The following MCM3 variants were observed in gnomAD, a reference collection of about 807,000 sequenced individuals.
The protein encoded by MCM3 is minichromosome maintenance complex component 3.
In MCM3, 59 loss-of-function variants were observed where a neutral mutation model predicts 91.3. The observed-to-expected ratio is 0.65, with a 90% CI of 0.52 to 0.80. MCM3 has a LOEUF of 0.80. Among genes scored for constraint, MCM3 ranks in the 30% least tolerant of loss-of-function variants. The probability of loss-of-function intolerance (pLI) is 0.00; values close to 1 mark genes in which losing one functional copy is unlikely to be tolerated. For synonymous variants in MCM3, 383 were observed against 379.6 expected, an observed-to-expected ratio of 1.01 and a Z score of -0.10; for missense variants, 919 against 1,035.4, an observed-to-expected ratio of 0.89 and a Z score of 1.54.
chr6:52,266,717 AAGAG>A (rs758046081), intron 14 of MCM3, 21 bp from the exon 15 acceptor site: 22 of 1,589,264 alleles, frequency 1.4e-5, no homozygotes, highest in South Asian at 9.9e-5. Flanking sequence ...CACAGCAGTT[AAGAG>A]AGAGAAAGAG....
At chr6:52,277,281 C>A in intron 7 of MCM3, 83 bp from the exon 8 acceptor site, 1 of 1,463,450 alleles carries the variant, frequency 6.8e-7, no homozygotes, top group Non-Finnish European at 9.4e-7. Flanking sequence ...CAGCTCTTGA[C>A]ACAACAGAGT....
chr6:52,270,127 C>T (rs2128277068), intron 12 of MCM3, among the ~76,000 whole-genome samples: 2 of 152,186 alleles, frequency 1.3e-5, no homozygotes. Flanking sequence ...AGCTTGAGAC[C>T]ACCCTGACCA....
intron 16 of MCM3, 123 bp downstream of exon 16, chr6:52,265,952 G>A: frequency 1.5e-6 from 1 of 676,626 alleles, no homozygotes; most frequent in Non-Finnish European, 2.5e-6. Context: ...AAAGCTGCAG[G>A]CCTCTAGTTT....
At chr6:52,267,660 T>G (rs1412206597) in intron 14 of MCM3, among the ~76,000 whole-genome samples, 15 of 151,896 alleles carry the variant, frequency 9.9e-5, no homozygotes. Flanking sequence ...ACCGAGCAGC[T>G]GGGACCACAA....
chr6:52,280,586 T>C (rs1417952565), intron 4 of MCM3, among the ~76,000 whole-genome samples: 1 of 152,260 alleles, frequency 6.6e-6, no homozygotes, highest in African/African-American at 2.4e-5. Context: ...GCCCACGCTC[T>C]TAAGCATCAC....
At chr6:52,283,902 A>G (rs1385098858) in intron 1 of MCM3, among the ~76,000 whole-genome samples, 2 of 152,192 alleles carry the variant, frequency 1.3e-5, no homozygotes, top group Admixed American at 1.3e-4. Flanking sequence ...GACTCTTAAT[A>G]GTCACATTAA....
chr6:52,279,445 G>T lies in MCM3; in HGVS notation c.686C>A (p.Ala229Glu). ...VILDDDLVDK[A>E]KPGDRVQVVG... ...CACCTGAACCCGGTCACCAGGCTTC[G>T]CTTTATCCACCAAGTCATCATCCAG... is the stretch of plus-strand genomic sequence containing the variant. Residue 229 changes from alanine to glutamate, a missense_variant, in exon 5 of 17, where the codon GCG (alanine) becomes GAG (glutamate). Coordinates refer to ENST00000596288, the MANE Select transcript of MCM3 (RefSeq NM_002388.6). The T allele has an allele frequency of 1.9e-6, 3 of 1,614,096 alleles. No individual in the cohort carries two copies. The highest frequency in any genetic ancestry group is 2.5e-6 in the Non-Finnish European group (3 of 1,180,016).
chr6:52,281,405 G>A (rs760083735), intron 4 of MCM3, among the ~76,000 whole-genome samples: 7 of 152,142 alleles, frequency 4.6e-5, no homozygotes, highest in Non-Finnish European at 1.0e-4. Flanking sequence ...GCTGGGCATG[G>A]TGGTTCATGT....
At chr6:52,282,247 C>A (rs1581749436) in intron 3 of MCM3, 72 bp from the exon 4 acceptor site, 4 of 1,409,676 alleles carry the variant, frequency 2.8e-6, no homozygotes. Context: ...CAAACATATG[C>A]AAGCCTATAA....
In MCM3 at chr6:52,269,177, G is replaced by A; in HGVS notation, c.1877C>T (p.Thr626Ile). 1 of 1,613,850 alleles carries A rather than the reference G, an allele frequency of 6.2e-7. No homozygotes were observed. The highest frequency in any genetic ancestry group is 1.3e-5 in the African/African-American group (1 of 75,052). ...RTLETLIRLA[T>I]AHAKARMSKT... The stretch of plus-strand genomic sequence containing the variant: ...GCTCATGCGGGCCTTCGCATGGGCT[G>A]TGGCCAGTCGAATCAGAGTTTCCAG... Residue 626 changes from threonine to isoleucine, a missense_variant, in exon 13 of 17, where the codon ACA (threonine) becomes ATA (isoleucine). Thr to Ile is a moderately conservative substitution (Grantham distance 89). Coordinates refer to ENST00000596288, the MANE Select transcript of MCM3 (RefSeq NM_002388.6).
intron 13 of MCM3, among the ~76,000 whole-genome samples, chr6:52,268,570 T>C (rs1764829263): frequency 6.6e-6 from 1 of 152,074 alleles, no homozygotes; most frequent in African/African-American, 2.4e-5. Flanking sequence ...GAGTCTAGGC[T>C]TTGAGGCTTG....
rs966921796 is a variant in MCM3, at chr6:52,266,064, T to C, written c.2228+11A>G. 1.2e-6 allele frequency: 2 copies of C among 1,613,042 alleles called. No individual in the cohort carries two copies. The highest frequency in any genetic ancestry group is 1.7e-6 in the Non-Finnish European group (2 of 1,179,124). On this transcript the variant is annotated intron_variant, in intron 16 of 16. Transcript: ENST00000596288. ...AATTCTTGAAGGGGCAGGAGCAACA[T>C]CCGTACTCACCTGGATTCACTCAAC...
chr6:52,268,954 T>C, intron 13 of MCM3, 132 bp downstream of exon 13: 1 of 936,636 alleles, frequency 1.1e-6, no homozygotes, highest in Non-Finnish European at 1.6e-6. Context: ...TGAGGCAGAC[T>C]GATGACTGGA....
chr6:52,271,929 G>T (rs967566317), intron 12 of MCM3, among the ~76,000 whole-genome samples: 4 of 151,806 alleles, frequency 2.6e-5, no homozygotes, highest in Admixed American at 1.3e-4. Context: ...AATATGTACG[G>T]AAGTCTTTCT....
intron 12 of MCM3, among the ~76,000 whole-genome samples, chr6:52,270,836 A>G (rs1247919367): frequency 6.6e-6 from 1 of 152,220 alleles, no homozygotes; most frequent in Non-Finnish European, 1.5e-5. Flanking sequence ...TAACACCCAC[A>G]GGTAAAAGTT....
Position 52,283,802 on chromosome 6 carries a change from G to A in MCM3, c.79-396C>T, listed in dbSNP as rs1766378873. Reference sequence around the variant, plus strand: ...GTTAAAGGTAACAACGTGAATAGATGGATATGTTGTTTCACTGTAGTAATC... The same window carrying A: ...GTTAAAGGTAACAACGTGAATAGATAGATATGTTGTTTCACTGTAGTAATC... On this transcript the variant is annotated intron_variant, in intron 1 of 16. Transcript: ENST00000596288. Among the ~76,000 whole-genome samples, 3 of 152,152 alleles carry A rather than the reference G, an allele frequency of 2.0e-5. 1 individual carries two copies. The highest frequency in any genetic ancestry group is 2.4e-5 in the African/African-American group (1 of 41,426).
At chr6:52,268,550 T>A (rs1480638563) in intron 13 of MCM3, among the ~76,000 whole-genome samples, 1 of 152,030 alleles carries the variant, frequency 6.6e-6, no homozygotes, top group Non-Finnish European at 1.5e-5. Flanking sequence ...AGTGGGCAAC[T>A]AGGAAAAGGG....
intron 6 of MCM3, among the ~76,000 whole-genome samples, chr6:52,278,070 C>CAAAAAAAAAAAAAAAAAAAAAAAAA (rs61625257): frequency 2.6e-5 from 1 of 38,962 alleles, no homozygotes; most frequent in African/African-American, 1.2e-4. Flanking sequence ...TCCGTCTCAC[C>CAAAAAAAAAAAAAAAAAAAAAAAAA]AAAAAAAAAA....
Position 52,282,889 on chromosome 6 carries a change from T to C in MCM3, c.192-28A>G, listed in dbSNP as rs779098429. 6.3e-6 allele frequency: 10 copies of C among 1,576,986 alleles called. No individual in the cohort carries two copies. The East Asian group carries it at 1.3e-4, about 21-fold the overall frequency. On this transcript the variant is annotated intron_variant, in intron 2 of 16. Coordinates refer to ENST00000596288, the MANE Select transcript of MCM3 (RefSeq NM_002388.6). ...GTACATAAGCAAGAGAAAGAAAAAT[T>C]AGACTGGGCAGAACTCAAAAAAATG... is the stretch of plus-strand genomic sequence containing the variant.
Sources: allele counts gnomAD v4.1 joint callset (sites outside exome capture counted in the v4.1 genomes callset), GRCh38; gene constraint gnomAD v4.1.1; transcripts MANE v1.5; gene names NCBI Gene and HGNC (gene_info 2026-07-23, HGNC 2026-07-21).